The following SHQ1 variants were observed in gnomAD, a reference collection of about 807,000 sequenced individuals.
SHQ1 encodes SHQ1, H/ACA ribonucleoprotein assembly factor.
A neutral mutation model predicts 53.8 loss-of-function variants in SHQ1; 49 were observed. The observed-to-expected ratio is 0.91, with a 90% confidence interval of 0.72 to 1.16. The LOEUF is 1.16. Among genes scored for constraint, SHQ1 ranks in the 50% most tolerant of loss-of-function variants. SHQ1 has a pLI of 0.00. For synonymous variants in SHQ1, 243 were observed against 251.0 expected (o/e 0.97, Z 0.30); for missense variants, 738 against 683.1 (o/e 1.08, Z -0.90).
intron 10 of SHQ1, among the ~76,000 whole-genome samples, chr3:72,783,541 T>C (rs1706136144): frequency 6.6e-6 from 1 of 152,040 alleles, no homozygotes; most frequent in Non-Finnish European, 1.5e-5. Flanking sequence ...CTCGAACTCC[T>C]GTCCTCAACT....
At chr3:72,745,312 G>T (rs1176298473), downstream of SHQ1, among the ~76,000 whole-genome samples, 1 of 152,154 alleles carries the variant, frequency 6.6e-6, no homozygotes, top group East Asian at 1.9e-4. Flanking sequence ...GAATGTGGTA[G>T]GGAGCACTCT....
At chr3:72,806,911 T>C (rs1337441612) in intron 9 of SHQ1, among the ~76,000 whole-genome samples, 1 of 152,194 alleles carries the variant, frequency 6.6e-6, no homozygotes, top group Non-Finnish European at 1.5e-5. Flanking sequence ...CTGATGGACA[T>C]CTTAGCTCCC....
At chr3:72,799,451 A>T (rs1575703169) in intron 9 of SHQ1, among the ~76,000 whole-genome samples, 1 of 152,226 alleles carries the variant, frequency 6.6e-6, no homozygotes, top group Non-Finnish European at 1.5e-5. Context: ...AATTCTGTCA[A>T]ATTAATCTAA....
chr3:72,824,783 A>ATC (rs1383561648), intron 5 of SHQ1, among the ~76,000 whole-genome samples: 3 of 125,398 alleles, frequency 2.4e-5, no homozygotes, highest in Non-Finnish European at 3.4e-5. Flanking sequence ...AACATTGCTG[A>ATC]TCTCTTTTTT....
chr3:72,772,077 T>C (rs560299056), intron 10 of SHQ1, among the ~76,000 whole-genome samples: 1 of 152,220 alleles, frequency 6.6e-6, no homozygotes. Flanking sequence ...TGTGACTGGC[T>C]GCATTACAGA....
At chr3:72,847,577 G>T (rs1708383496) in intron 1 of SHQ1, among the ~76,000 whole-genome samples, 1 of 151,448 alleles carries the variant, frequency 6.6e-6, no homozygotes, top group Non-Finnish European at 1.5e-5. Flanking sequence ...AATTTAAACA[G>T]ATCAAGTGCT....
At chr3:72,776,984 C>T (rs1426037651) in intron 10 of SHQ1, among the ~76,000 whole-genome samples, 2 of 152,040 alleles carry the variant, frequency 1.3e-5, no homozygotes, top group Non-Finnish European at 2.9e-5. Context: ...ATAAATGAAG[C>T]CAGGATATGG....
At chr3:72,823,722 T>C (rs957518862) in intron 6 of SHQ1, among the ~76,000 whole-genome samples, 18 of 152,344 alleles carry the variant, frequency 1.2e-4, no homozygotes, top group African/African-American at 4.1e-4. Flanking sequence ...TGTGGGAATA[T>C]ATATTTTTAA....
intron 10 of SHQ1, among the ~76,000 whole-genome samples, chr3:72,755,657 A>G (rs999765465): frequency 1.3e-4 from 20 of 152,232 alleles, no homozygotes; most frequent in African/African-American, 4.6e-4. Flanking sequence ...AAATTAAGCC[A>G]TGAAAGAGTA....
At chr3:72,818,599 T>A (rs536793561) in intron 6 of SHQ1, among the ~76,000 whole-genome samples, 5 of 152,306 alleles carry the variant, frequency 3.3e-5, no homozygotes, top group African/African-American at 1.2e-4. Flanking sequence ...AAATTGAGTA[T>A]AGTAGGCAGA....
intron 10 of SHQ1, among the ~76,000 whole-genome samples, chr3:72,759,631 T>C (rs1445286063): frequency 6.6e-6 from 1 of 152,098 alleles, no homozygotes; most frequent in Non-Finnish European, 1.5e-5. Flanking sequence ...GCGGAGGTTG[T>C]AGTGAGCAGA....
chr3:72,817,520 ATAACT>A (rs1167908701), intron 6 of SHQ1, 136 bp from the exon 7 acceptor site: 4 of 791,042 alleles, frequency 5.1e-6, no homozygotes, highest in African/African-American at 1.8e-5. Context: ...GGATATATAA[ATAACT>A]TAAGTAGACT....
chr3:72,846,589 C>T (rs1240385494), intron 1 of SHQ1, among the ~76,000 whole-genome samples: 1 of 152,164 alleles, frequency 6.6e-6, no homozygotes, highest in African/African-American at 2.4e-5. Context: ...TGAGCCACCA[C>T]ATCTGGGGGC....
intron 9 of SHQ1, among the ~76,000 whole-genome samples, chr3:72,800,097 T>C (rs1242154083): frequency 2.0e-5 from 3 of 152,170 alleles, no homozygotes; most frequent in African/African-American, 7.2e-5. Context: ...ATGAGGGCTC[T>C]ACCCTCATGA....
chr3:72,839,739 C>T (rs1170798311), intron 4 of SHQ1, among the ~76,000 whole-genome samples: 1 of 151,982 alleles, frequency 6.6e-6, no homozygotes, highest in Non-Finnish European at 1.5e-5. Flanking sequence ...GATAATAAAC[C>T]ACATTCTAAA....
chr3:72,828,657 T>G (rs1161372034), intron 5 of SHQ1, among the ~76,000 whole-genome samples: 1 of 152,008 alleles, frequency 6.6e-6, no homozygotes, highest in Non-Finnish European at 1.5e-5. Flanking sequence ...ATCGCACCAC[T>G]GCACTCCAGC....
the SHQ1 span, among the ~76,000 whole-genome samples, chr3:72,732,011 G>A: frequency 6.6e-6 from 1 of 151,664 alleles, no homozygotes; most frequent in Non-Finnish European, 1.5e-5. Context: ...TCCAGAGCAA[G>A]AGGTAGGCAA....
At chr3:72,834,222 G>C (rs1330863469) in intron 4 of SHQ1, among the ~76,000 whole-genome samples, 10 of 152,174 alleles carry the variant, frequency 6.6e-5, no homozygotes. Context: ...AGGGTCCAGA[G>C]ACCTTTTTAG....
At chr3:72,730,093 C>T in the SHQ1 span, among the ~76,000 whole-genome samples, 1 of 152,084 alleles carries the variant, frequency 6.6e-6, no homozygotes, top group Non-Finnish European at 1.5e-5. Context: ...GCTGGAATTA[C>T]AGGCGTGAGC....
Sources: gnomAD v4.1 joint callset for allele counts (sites outside exome capture counted in the v4.1 genomes callset) on GRCh38, gnomAD v4.1.1 for gene constraint, MANE v1.5 for transcripts, NCBI Gene and HGNC (gene_info 2026-07-23, HGNC 2026-07-21) for gene names.